The following NUDT16L1 variants were observed in gnomAD, a reference collection of about 807,000 sequenced individuals.
NUDT16L1 encodes the protein nudix hydrolase 16 like 1, also known as tudor-interacting repair regulator protein.
Under a neutral mutation model 17.3 loss-of-function variants are expected in NUDT16L1, and 19 were observed. The ratio of observed to expected loss-of-function variants is 1.10; its 90% CI spans 0.77 to 1.61. NUDT16L1 has a LOEUF of 1.61. NUDT16L1 is among the 40% of genes most tolerant of loss of function. The pLI is 0.00. For synonymous variants in NUDT16L1, 255 were observed against 138.6 expected (o/e 1.84, Z -5.90); for missense variants, 341 against 292.0 (o/e 1.17, Z -1.22).
rs553237843 is a variant in NUDT16L1 at position 4,694,736 on chromosome 16, G to A, written c.415-222G>A. The A allele has an allele frequency of 8.4e-6, 12 of 1,426,984 alleles. No homozygotes were observed. The East Asian group carries it at 1.8e-4, about 21-fold the overall frequency. 88.4% of individuals were successfully genotyped at this position (1,426,984 alleles called of 1,614,324 possible). A position where few individuals can be genotyped will look rare whatever the true frequency, so the allele number is the denominator to read the frequency against. Reference sequence around the variant, plus strand: ...GGGTGGGGTGGCCTGGGTACGAGGGGGGGGAGTGCATGGGGTCAGCCTCCA... The same window carrying A: ...GGGTGGGGTGGCCTGGGTACGAGGGAGGGGAGTGCATGGGGTCAGCCTCCA... On this transcript the variant is annotated intron_variant, in intron 2 of 2. Coordinates refer to ENST00000304301, the Ensembl canonical transcript of NUDT16L1.
In NUDT16L1 at chr16:4,693,891, C is replaced by G; in HGVS notation, c.153+12C>G. On this transcript the variant is annotated intron_variant, in intron 1 of 2. Coordinates refer to ENST00000304301, the Ensembl canonical transcript of NUDT16L1. Reference sequence around the variant, plus strand: ...GCTTCTCGGTGCTGGTGAGGACGGGCGAGGGCGCGGGCGAGGGTGCCGGCG... The same window carrying G: ...GCTTCTCGGTGCTGGTGAGGACGGGGGAGGGCGCGGGCGAGGGTGCCGGCG... The G allele has an allele frequency of 2.0e-6, 3 of 1,498,948 alleles. No individual in the cohort carries two copies. Among genetic ancestry groups the G allele is most frequent in the East Asian group, 2.8e-5 (1 of 35,238 alleles). The allele number at this position is 1,498,948 out of a possible 1,614,324, so 92.9% of individuals were successfully genotyped here.
In NUDT16L1 at chr16:4,694,125, C is replaced by G. The variant is rs750373625; in HGVS notation, c.301C>G (p.Leu101Val). Residue 101 changes from leucine to valine, a missense_variant, in exon 2 of 3, where the codon CTG becomes GTG. Coordinates refer to ENST00000304301, the Ensembl canonical transcript of NUDT16L1. The stretch of plus-strand genomic sequence containing the variant: ...CGAGGCCGACTACCTGAGCTCGCAC[C>G]TGACCGAGGGCCCACACCGCGTCGT... The G allele has an allele frequency of 2.5e-6, 4 of 1,589,790 alleles. No individual in the cohort carries two copies. The South Asian group carries it at 4.4e-5, about 18-fold the overall frequency.
chr16:4,694,375 G>A, intron 2 of NUDT16L1, 137 bp downstream of exon 2: 3 of 1,482,994 alleles, frequency 2.0e-6, no homozygotes, highest in Non-Finnish European at 2.7e-6. Flanking sequence ...GCAATGGGGT[G>A]GGGAGAGGGG....
chr16:4,694,997 G>A (rs780813404), exon 3 of NUDT16L1: 4 of 1,611,978 alleles, frequency 2.5e-6, no homozygotes, highest in Admixed American at 1.7e-5. Flanking sequence ...CACCCAGAAG[G>A]ACCGAGTCGG....
chr16:4,695,616 C>T, exon 3 of NUDT16L1: 1 of 420,996 alleles, frequency 2.4e-6, no homozygotes, highest in Non-Finnish European at 4.2e-6. Context: ...AGTTCAGGGC[C>T]TGGGGGAGAG....
exon 3 of NUDT16L1, chr16:4,695,173 C>A: frequency 3.7e-6 from 6 of 1,612,184 alleles, no homozygotes; most frequent in Non-Finnish European, 5.1e-6. Context: ...TCCCGGCCTC[C>A]TCTTGAGGGC....
At chr16:4,694,629 G>A (rs892465484) in intron 2 of NUDT16L1, 9 of 1,423,240 alleles carry the variant, frequency 6.3e-6, no homozygotes, top group African/African-American at 4.3e-5. Flanking sequence ...CTTGGGATTT[G>A]TACTTTGTGG....
intron 2 of NUDT16L1, chr16:4,694,603 G>C (rs530110825): frequency 7.0e-7 from 1 of 1,432,332 alleles, no homozygotes; most frequent in Non-Finnish European, 9.1e-7. Context: ...GGAACCTCAT[G>C]TTGGGCGTGA....
chr16:4,694,317 T>C, intron 2 of NUDT16L1, 79 bp downstream of exon 2: 1 of 1,486,380 alleles, frequency 6.7e-7, no homozygotes, highest in South Asian at 1.3e-5. Context: ...GGGTAACACG[T>C]CTCCTGAGGG....
chr16:4,694,796 G>A (rs935032310), intron 2 of NUDT16L1, 162 bp from the exon 3 acceptor site: 3 of 1,443,354 alleles, frequency 2.1e-6, no homozygotes, highest in South Asian at 1.5e-5. Context: ...GCACTGCTCC[G>A]AGGGAGCTGG....
chr16:4,693,633 G>C (rs1037437659), upstream of NUDT16L1: 14 of 1,293,748 alleles, frequency 1.1e-5, no homozygotes, highest in Non-Finnish European at 2.0e-6. Context: ...AACCGGACCC[G>C]GGGGCGCGGC....
At chr16:4,694,412 G>A (rs1467867940) in intron 2 of NUDT16L1, 174 bp downstream of exon 2, 3 of 1,494,684 alleles carry the variant, frequency 2.0e-6, no homozygotes, top group South Asian at 1.3e-5. Context: ...CGGGAAAGGA[G>A]GGGCGGGGGT....
intron 2 of NUDT16L1, chr16:4,694,577 G>T (rs1027555579): frequency 6.3e-5 from 91 of 1,444,038 alleles, no homozygotes; most frequent in Non-Finnish European, 7.8e-5. Context: ...GAGCACAGCG[G>T]GGGTTGTAAA....
At chr16:4,694,849 T>C in intron 2 of NUDT16L1, 109 bp from the exon 3 acceptor site, 2 of 1,476,962 alleles carry the variant, frequency 1.4e-6, no homozygotes. Context: ...ATTAAGTCCT[T>C]GGCAAAGCTG....
At chr16:4,694,114 T>C in exon 2 of NUDT16L1, 1 of 1,590,054 alleles carries the variant, frequency 6.3e-7, no homozygotes, top group Non-Finnish European at 8.5e-7. Context: ...GCCGACTACC[T>C]GAGCTCGCAC....
chr16:4,694,570 C>G, intron 2 of NUDT16L1: 2 of 1,449,178 alleles, frequency 1.4e-6, no homozygotes, highest in Non-Finnish European at 9.1e-7. Context: ...GAAACTTGAG[C>G]ACAGCGGGGG....
Position 4,694,188 on chromosome 16 carries a change from C to T in NUDT16L1, c.364C>T (p.Leu122=), listed in dbSNP as rs751442332. Residue 122 remains leucine (L), a synonymous_variant, in exon 2 of 3, where the codon CTG becomes TTG. Transcript: ENST00000304301. ...CGCGCGGCAGCTGACGCTGGAGCAG[C>T]TGCACGCCGTGGAGATCAGCGCGGT... The T allele has an allele frequency of 4.5e-6, 7 of 1,571,628 alleles. No homozygotes were observed. In the South Asian group the frequency reaches 6.8e-5, roughly 15 times the overall value.
rs1202466326 is a variant in NUDT16L1, at chr16:4,694,055, C to A, written c.231C>A (p.Gly77=). The A allele has an allele frequency of 2.5e-6, 4 of 1,588,048 alleles. No individual in the cohort carries two copies. In the Admixed American group the frequency reaches 6.8e-5, roughly 27 times the overall value. Reference sequence around the variant, plus strand: ...GGCGCTTCTGGTCGCTGGAGGACGGCCTGAACCGGGTGCTGGGCCTGGGCC... The same window carrying A: ...GGCGCTTCTGGTCGCTGGAGGACGGACTGAACCGGGTGCTGGGCCTGGGCC... Residue 77 remains glycine, a synonymous_variant, in exon 2 of 3, where the codon GGC becomes GGA. Transcript: ENST00000304301.
chr16:4,693,831 C>G, exon 1 of NUDT16L1: 1 of 1,565,102 alleles, frequency 6.4e-7, no homozygotes, highest in Non-Finnish European at 8.6e-7. Context: ...TGTACGCCGC[C>G]AACCCTGGGC....
Sources: allele counts gnomAD v4.1 joint callset, GRCh38; gene constraint gnomAD v4.1.1; transcripts MANE v1.5; gene names NCBI Gene and HGNC (gene_info 2026-07-23, HGNC 2026-07-21).